Variants in SCFD2 observed in about 807,000 individuals in gnomAD.
SCFD2 encodes sec1 family domain-containing protein 2.
In SCFD2, 54 loss-of-function variants were observed where a neutral mutation model predicts 58.9. The ratio of observed to expected loss-of-function variants is 0.92; its 90% CI spans 0.74 to 1.15. The LOEUF is 1.15. SCFD2 is among the 50% of genes most tolerant of loss of function. The pLI is 0.00. For missense variants in SCFD2, 805 were observed against 836.6 expected, an observed-to-expected ratio of 0.96 and a Z score of 0.47; for synonymous variants, 321 against 335.9, an observed-to-expected ratio of 0.96 and a Z score of 0.49.
chr4:53,320,099 G>T (rs189410459), intron 2 of SCFD2, among the ~76,000 whole-genome samples: 2 of 152,086 alleles, frequency 1.3e-5, no homozygotes, highest in Admixed American at 6.5e-5. Context: ...AACCTTTCAG[G>T]ATAAGTATCA....
chr4:53,234,671 T>C (rs1256810844), intron 4 of SCFD2, among the ~76,000 whole-genome samples: 1 of 152,212 alleles, frequency 6.6e-6, no homozygotes, highest in African/African-American at 2.4e-5. Context: ...CATACACTAC[T>C]TCCAAACACC....
chr4:53,073,869 C>CT (rs1166466749), intron 5 of SCFD2, among the ~76,000 whole-genome samples: 2 of 152,056 alleles, frequency 1.3e-5, no homozygotes, highest in African/African-American at 4.8e-5. Flanking sequence ...ATTATCTGAG[C>CT]TTTCAGTGAG....
chr4:53,212,251 C>T (rs1455934046), intron 4 of SCFD2, among the ~76,000 whole-genome samples: 2 of 151,906 alleles, frequency 1.3e-5, no homozygotes, highest in Middle Eastern at 3.2e-3. Flanking sequence ...GTAAAGTTAA[C>T]CATACATTAT....
intron 5 of SCFD2, among the ~76,000 whole-genome samples, chr4:52,931,135 C>T (rs530849582): frequency 6.6e-6 from 1 of 152,336 alleles, no homozygotes; most frequent in East Asian, 1.9e-4. Context: ...ACTAGAAGTG[C>T]TTCCTAAAAG....
Position 53,296,166 on chromosome 4 carries a change from A to G in SCFD2, c.1135+17470T>C, listed in dbSNP as rs960793003. On this transcript the variant is annotated intron_variant, in intron 3 of 8. Coordinates refer to ENST00000401642, the MANE Select transcript of SCFD2 (RefSeq NM_152540.4). ...GCTGGCCTCATAAAATGAGTTAGGG[A>G]GGATTCCCTCTTTTTTTATTGATTG... Among the ~76,000 whole-genome samples, 24 of 152,306 alleles carry G rather than the reference A, an allele frequency of 1.6e-4. 1 individual carries two copies. The highest frequency in any genetic ancestry group is 1.3e-3 in the Admixed American group (20 of 15,302).
chr4:53,200,318 C>G (rs1456099799), intron 4 of SCFD2, among the ~76,000 whole-genome samples: 1 of 151,872 alleles, frequency 6.6e-6, no homozygotes, highest in Admixed American at 6.6e-5. Flanking sequence ...TAAACAACAG[C>G]CTCTCCTATT....
chr4:52,948,780 A>T (rs554936632), intron 5 of SCFD2: 2 of 230,230 alleles, frequency 8.7e-6, no homozygotes, highest in African/African-American at 4.6e-5. Flanking sequence ...GACAGGCTAG[A>T]TTTAAAACGA....
intron 5 of SCFD2, among the ~76,000 whole-genome samples, chr4:53,084,359 G>A (rs1335210830): frequency 2.0e-5 from 3 of 152,002 alleles, no homozygotes; most frequent in African/African-American, 7.2e-5. Context: ...CGACCCCACA[G>A]GCAATGAGAT....
intron 5 of SCFD2, among the ~76,000 whole-genome samples, chr4:53,090,357 A>G (rs1724434552): frequency 6.6e-6 from 1 of 152,208 alleles, no homozygotes; most frequent in Non-Finnish European, 1.5e-5. Context: ...TGAAAATGCC[A>G]AAAGAGATAG....
chr4:53,049,644 A>G (rs1223902236), intron 5 of SCFD2, among the ~76,000 whole-genome samples: 3 of 152,118 alleles, frequency 2.0e-5, no homozygotes, highest in Non-Finnish European at 4.4e-5. Context: ...TTAAAGAGTG[A>G]GCAGAAAGGC....
At chr4:53,158,474 C>T (rs1038408329) in intron 4 of SCFD2, among the ~76,000 whole-genome samples, 1 of 152,090 alleles carries the variant, frequency 6.6e-6, no homozygotes, top group Non-Finnish European at 1.5e-5. Context: ...TGTGTGGTAC[C>T]ATCACTCTTC....
chr4:53,104,608 G>T (rs74777937), intron 5 of SCFD2, among the ~76,000 whole-genome samples: 1 of 152,118 alleles, frequency 6.6e-6, no homozygotes, highest in Non-Finnish European at 1.5e-5. Context: ...CCATACTAAC[G>T]TAAGATGTAA....
intron 7 of SCFD2, among the ~76,000 whole-genome samples, chr4:52,887,191 AG>A (rs1718759388): frequency 6.6e-6 from 1 of 152,204 alleles, no homozygotes; most frequent in African/African-American, 2.4e-5. Flanking sequence ...GGGTATACAA[AG>A]ATGAAAGAGA....
At chr4:53,139,646 G>A (rs1219407393) in intron 5 of SCFD2, among the ~76,000 whole-genome samples, 11 of 146,306 alleles carry the variant, frequency 7.5e-5, no homozygotes, top group African/African-American at 2.5e-4. Context: ...GCCTCTGCCC[G>A]GCCGCCCCAT....
intron 4 of SCFD2, among the ~76,000 whole-genome samples, chr4:53,244,358 G>C (rs1437580670): frequency 6.6e-6 from 1 of 151,998 alleles, no homozygotes; most frequent in Non-Finnish European, 1.5e-5. Flanking sequence ...CCAATCCTCA[G>C]TAAATGCAAA....
chr4:53,016,336 T>C (rs1323144057), intron 5 of SCFD2, among the ~76,000 whole-genome samples: 3 of 152,212 alleles, frequency 2.0e-5, no homozygotes, highest in African/African-American at 4.8e-5. Flanking sequence ...AATATTACAA[T>C]CAGTAGCCAT....
At chr4:53,274,095 G>C (rs1283845727) in intron 3 of SCFD2, 94 bp from the exon 4 acceptor site, 1 of 1,112,990 alleles carries the variant, frequency 9.0e-7, no homozygotes, top group East Asian at 2.6e-5. Flanking sequence ...CTTGTATTTG[G>C]GCAGAACTTC....
At chr4:52,948,535 G>A (rs1204511841) in intron 5 of SCFD2, 1 of 456,482 alleles carries the variant, frequency 2.2e-6, no homozygotes, top group Admixed American at 2.3e-5. Flanking sequence ...AATTTAATCT[G>A]TACAGAACTA....
intron 5 of SCFD2, among the ~76,000 whole-genome samples, chr4:52,943,247 A>C (rs1720338105): frequency 6.6e-6 from 1 of 152,064 alleles, no homozygotes; most frequent in Non-Finnish European, 1.5e-5. Context: ...AAACAAAACA[A>C]AACAAAACAA....
Sources: gnomAD v4.1 joint callset for allele counts (sites outside exome capture counted in the v4.1 genomes callset) on GRCh38, gnomAD v4.1.1 for gene constraint, MANE v1.5 for transcripts, NCBI Gene and HGNC (gene_info 2026-07-23, HGNC 2026-07-21) for gene names.